The following HTR2C variants were observed in gnomAD, a reference collection of about 807,000 sequenced individuals.
The protein encoded by HTR2C is 5-hydroxytryptamine (serotonin) receptor 2C, G protein-coupled.
Under a neutral mutation model 21.0 loss-of-function variants are expected in HTR2C, and 5 were observed. That is an observed-to-expected ratio of 0.24 (90% CI 0.12 to 0.50). HTR2C has a LOEUF of 0.50. HTR2C is among the 20% of genes least tolerant of loss of function. HTR2C has a pLI of 0.98. For synonymous variants in HTR2C, 150 were observed against 145.3 expected, an observed-to-expected ratio of 1.03 and a Z score of -0.23; for missense variants, 271 against 371.2, an observed-to-expected ratio of 0.73 and a Z score of 2.22.
At chrX:114,678,946 C>T (rs1931659609) in intron 2 of HTR2C, among the ~76,000 whole-genome samples, 1 of 111,265 alleles carries the variant, frequency 9.0e-6, no homozygotes. Context: ...TCCTGGGCTT[C>T]CTCAAGAGTT....
In HTR2C at chrX:114,741,524, T is replaced by TAA. The variant is rs782206973; in HGVS notation, c.349+9941_349+9942dup. Among the ~76,000 whole-genome samples the TAA allele has an allele frequency of 9.6e-3, 47 of 4,891 alleles. 4 individuals carry two copies. The highest frequency in any genetic ancestry group is 0.016 in the East Asian group (1 of 61). 4.2% of individuals were successfully genotyped at this position (4,891 alleles called of 115,157 possible). A position where few individuals can be genotyped will look rare whatever the true frequency, so the allele number is the denominator to read the frequency against. ...GGCGACAGAGCAAGACGACTCCGTC[T>TAA]AAAAAAAAAAAAAAAAAAAAAAAAA... On this transcript the variant is annotated intron_variant, in intron 4 of 5. Coordinates refer to ENST00000276198, the MANE Select transcript of HTR2C (RefSeq NM_000868.4).
Position 114,613,377 on chromosome X carries a change from G to A in HTR2C, c.-146-438G>A, listed in dbSNP as rs907019180. On this transcript the variant is annotated intron_variant, in intron 1 of 5. Coordinates refer to ENST00000276198, the MANE Select transcript of HTR2C (RefSeq NM_000868.4). ...TTGTAAACTGTCATGGCGCTGGTGA[G>A]AGTGTAGCAGTGAGGACGACCAGAG... 4.5e-5 allele frequency among the ~76,000 whole-genome samples: 5 copies of A among 111,746 alleles called. No homozygotes were observed. The South Asian group carries it at 1.9e-3, about 42-fold the overall frequency.
At chrX:114,616,291 A>G (rs782219186) in intron 2 of HTR2C, among the ~76,000 whole-genome samples, 177 of 105,183 alleles carry the variant, frequency 1.7e-3, no homozygotes, top group Non-Finnish European at 1.9e-3. Context: ...ATTTTTATTT[A>G]TTTATTCATT....
At chrX:114,609,210 AT>A (rs368782904) in intron 1 of HTR2C, among the ~76,000 whole-genome samples, 176 of 111,046 alleles carry the variant, frequency 1.6e-3, no homozygotes, top group African/African-American at 5.5e-3. Context: ...ATAAAATCTG[AT>A]TTTTTTATTA....
intron 5 of HTR2C, among the ~76,000 whole-genome samples, chrX:114,862,517 A>C (rs1300549651): frequency 1.8e-5 from 2 of 111,190 alleles, no homozygotes; most frequent in Non-Finnish European, 3.8e-5. Context: ...TCTGATAAGG[A>C]AGGCATCGGG....
At chrX:114,830,135 C>T (rs1468127211) in intron 4 of HTR2C, among the ~76,000 whole-genome samples, 2 of 111,414 alleles carry the variant, frequency 1.8e-5, no homozygotes, top group African/African-American at 6.5e-5. Context: ...ATTTTAGTTG[C>T]CTGCAGAGCT....
chrX:114,590,824 A>G (rs1230783034), intron 1 of HTR2C, among the ~76,000 whole-genome samples: 1 of 111,983 alleles, frequency 8.9e-6, no homozygotes, highest in African/African-American at 3.2e-5. Context: ...CATATATGAG[A>G]GAGAGACCAT....
At chrX:114,871,460 G>A (rs2071091105) in intron 5 of HTR2C, among the ~76,000 whole-genome samples, 1 of 111,577 alleles carries the variant, frequency 9.0e-6, no homozygotes, top group Non-Finnish European at 1.9e-5. Context: ...AACAGATTAA[G>A]TCTTATGTTT....
chrX:114,694,434 A>AATATATATATAT (rs782501990), intron 2 of HTR2C, among the ~76,000 whole-genome samples: 2 of 91,942 alleles, frequency 2.2e-5, no homozygotes, highest in Non-Finnish European at 4.2e-5. Flanking sequence ...TCCTCAACTA[A>AATATATATATAT]ATATATATAT....
chrX:114,806,744 A>T (rs1556450054), intron 4 of HTR2C, among the ~76,000 whole-genome samples: 1 of 8,329 alleles, frequency 1.2e-4, no homozygotes, highest in African/African-American at 2.2e-4. Context: ...TACACACCAT[A>T]TATATACACC....
intron 2 of HTR2C, among the ~76,000 whole-genome samples, chrX:114,712,474 T>A (rs1267762002): frequency 2.7e-5 from 3 of 112,155 alleles, no homozygotes; most frequent in African/African-American, 9.7e-5. Context: ...AATTTTGAAT[T>A]TACAGAGAAA....
Position 114,584,140 on chromosome X carries a change from C to A in HTR2C, c.-666C>A, listed in dbSNP as rs1349639328. ...CGCTTCCTTCCTCAGATGCACCGAT[C>A]TTCCCGATACTGCCTTTGGAGCGGC... On this transcript the variant is annotated 5_prime_UTR_variant, in exon 1 of 6. Transcript: ENST00000276198. 1 of 112,565 alleles carries A rather than the reference C, an allele frequency of 8.9e-6. No homozygotes were observed. Among genetic ancestry groups the A allele is most frequent in the Non-Finnish European group, 1.9e-5 (1 of 53,232 alleles). The allele number at this position is 112,565 out of a possible 1,213,427, so 9.3% of individuals were successfully genotyped here.
intron 4 of HTR2C, among the ~76,000 whole-genome samples, chrX:114,781,814 TAA>T (rs782045730): frequency 1.1e-5 from 1 of 91,911 alleles, no homozygotes. Flanking sequence ...CCCCGCCGTC[TAA>T]AAAAAAAAAA....
chrX:114,616,228 G>GT (rs781786026), intron 2 of HTR2C, among the ~76,000 whole-genome samples: 2,160 of 104,097 alleles, frequency 0.021, 63 homozygotes, highest in African/African-American at 0.071. Context: ...TCTTTGGGTT[G>GT]TTTTTTTTTT....
chrX:114,825,100 A>G lies in HTR2C; in HGVS notation c.350-22903A>G, dbSNP rs193117308. On this transcript the variant is annotated intron_variant, in intron 4 of 5. Coordinates refer to ENST00000276198, the MANE Select transcript of HTR2C (RefSeq NM_000868.4). ...AGCATTTTATTTCATTGAATTCTCA[A>G]TATTATAGTATTGCCTAAATTTTAT... Among the ~76,000 whole-genome samples, 420 of 111,611 alleles carry G rather than the reference A, an allele frequency of 3.8e-3. 2 individuals carry two copies. Among genetic ancestry groups the G allele is most frequent in the Middle Eastern group, 0.019 (4 of 216 alleles).
chrX:114,801,284 C>A (rs1464076253), intron 4 of HTR2C, among the ~76,000 whole-genome samples: 1 of 110,899 alleles, frequency 9.0e-6, no homozygotes, highest in East Asian at 2.8e-4. Flanking sequence ...TCAGTGTATC[C>A]AAGAAAATGT....
At chrX:114,875,337 A>AT (rs2071125065) in intron 5 of HTR2C, among the ~76,000 whole-genome samples, 1 of 110,809 alleles carries the variant, frequency 9.0e-6, no homozygotes, top group Non-Finnish European at 1.9e-5. Flanking sequence ...GTTTGCAAAT[A>AT]TTTTTTTCCA....
In HTR2C at chrX:114,731,354, T is replaced by A. The variant is rs782388278; in HGVS notation, c.96T>A (p.Ala32=). The A allele has an allele frequency of 8.3e-7, 1 of 1,205,294 alleles. No individual in the cohort carries two copies. Among genetic ancestry groups the A allele is most frequent in the African/African-American group, 1.8e-5 (1 of 56,850 alleles). The part of the protein sequence containing the change: ...QSDISVSPVA[A]IVTDIFNTSD... ...ATATTTCTGTGAGCCCAGTAGCAGC[T>A]ATAGTAACTGACATTTTCAATACCT... The change falls in exon 4 of 6, where the codon GCT becomes GCA. Residue 32 remains alanine, a synonymous_variant. Transcript: ENST00000276198.
intron 2 of HTR2C, among the ~76,000 whole-genome samples, chrX:114,614,838 TAAAC>T (rs1928890760): frequency 8.9e-6 from 1 of 111,782 alleles, no homozygotes; most frequent in Non-Finnish European, 1.9e-5. Flanking sequence ...TATTACAAGT[TAAAC>T]AAGGTGAATT....
Sources: gnomAD v4.1 joint callset for allele counts (sites outside exome capture counted in the v4.1 genomes callset) on GRCh38, gnomAD v4.1.1 for gene constraint, MANE v1.5 for transcripts, NCBI Gene and HGNC (gene_info 2026-07-23, HGNC 2026-07-21) for gene names.